The following CSMD3 variants were observed in gnomAD, a reference collection of about 807,000 sequenced individuals.
CSMD3 encodes CUB and sushi domain-containing protein 3.
In CSMD3, 177 loss-of-function variants were observed where a neutral mutation model predicts 435.2. The observed-to-expected ratio is 0.41, with a 90% CI of 0.36 to 0.46. The LOEUF (loss-of-function observed/expected upper bound fraction) is 0.46, where lower values mean the gene tolerates loss of function less well. Ranked by LOEUF, CSMD3 falls within the 20% of genes least tolerant of loss-of-function variation. The probability of loss-of-function intolerance (pLI) is 0.34; values close to 1 mark genes in which losing one functional copy is unlikely to be tolerated. For synonymous variants in CSMD3, 1,656 were observed against 1,520.5 expected (o/e 1.09, Z -2.07); for missense variants, 4,265 against 4,504.6 (o/e 0.95, Z 1.52).
intron 13 of CSMD3, among the ~76,000 whole-genome samples, chr8:112,764,964 A>C (rs1313803793): frequency 6.6e-6 from 1 of 151,560 alleles, no homozygotes; most frequent in Non-Finnish European, 1.5e-5. Flanking sequence ...GGGAGATATA[A>C]AGTAGCATGG....
chr8:112,486,827 T>A (rs1323378258), intron 31 of CSMD3, among the ~76,000 whole-genome samples: 2 of 152,148 alleles, frequency 1.3e-5, no homozygotes, highest in African/African-American at 4.8e-5. Context: ...CTGTATCTCA[T>A]CAGATTATAA....
chr8:112,491,907 A>G (rs968733822), intron 31 of CSMD3, among the ~76,000 whole-genome samples: 10 of 152,094 alleles, frequency 6.6e-5, no homozygotes, highest in African/African-American at 2.4e-4. Context: ...AGTCTCTAGT[A>G]ACCCTAAGCA....
At chr8:112,478,134 A>C (rs1300153438) in intron 31 of CSMD3, among the ~76,000 whole-genome samples, 1 of 152,184 alleles carries the variant, frequency 6.6e-6, no homozygotes, top group Non-Finnish European at 1.5e-5. Flanking sequence ...AGGCCTACCC[A>C]GCCATGTGGA....
intron 5 of CSMD3, among the ~76,000 whole-genome samples, chr8:113,082,767 A>G (rs1489943448): frequency 6.6e-6 from 1 of 152,166 alleles, no homozygotes; most frequent in Admixed American, 6.5e-5. Context: ...TAAAGGAACA[A>G]AACAGATATC....
At chr8:113,367,094 T>C (rs2133030400) in intron 1 of CSMD3, among the ~76,000 whole-genome samples, 1 of 151,966 alleles carries the variant, frequency 6.6e-6, no homozygotes, top group South Asian at 2.1e-4. Context: ...ACAATATACT[T>C]CCGGGGAATA....
At chr8:113,436,584 G>T (rs2094707828) in intron 1 of CSMD3, 93 bp downstream of exon 1, 2 of 1,090,550 alleles carry the variant, frequency 1.8e-6, no homozygotes, top group Non-Finnish European at 2.8e-6. Flanking sequence ...TTATTTTATC[G>T]GTGCAAATTG....
At chr8:112,661,479 G>A (rs2075378295) in intron 17 of CSMD3, among the ~76,000 whole-genome samples, 2 of 152,106 alleles carry the variant, frequency 1.3e-5, no homozygotes, top group South Asian at 4.1e-4. Flanking sequence ...GAGTACGGAT[G>A]CCCTCTGAAT....
At chr8:112,408,847 C>T in intron 33 of CSMD3, 72 bp downstream of exon 33, 1 of 1,609,428 alleles carries the variant, frequency 6.2e-7, no homozygotes, top group Non-Finnish European at 8.5e-7. Flanking sequence ...TAAATCTCAA[C>T]TTTCACTACA....
At chr8:112,590,817 AC>A (rs1465862939) in intron 22 of CSMD3, among the ~76,000 whole-genome samples, 3 of 152,078 alleles carry the variant, frequency 2.0e-5, no homozygotes, top group African/African-American at 7.2e-5. Flanking sequence ...ACTTCTTCCT[AC>A]CTTAACATAA....
intron 45 of CSMD3, among the ~76,000 whole-genome samples, chr8:112,330,845 C>T (rs2130922877): frequency 6.6e-6 from 1 of 152,122 alleles, no homozygotes; most frequent in East Asian, 1.9e-4. Flanking sequence ...CATTGTCTGG[C>T]ACTTAATAAG....
intron 24 of CSMD3, among the ~76,000 whole-genome samples, chr8:112,569,224 T>C (rs933747143): frequency 2.6e-5 from 4 of 152,198 alleles, no homozygotes; most frequent in African/African-American, 7.2e-5. Flanking sequence ...CTTGTGACCA[T>C]GTCACCACAA....
At chr8:112,613,183 T>C (rs985942459) in intron 22 of CSMD3, among the ~76,000 whole-genome samples, 1 of 152,138 alleles carries the variant, frequency 6.6e-6, no homozygotes, top group East Asian at 1.9e-4. Flanking sequence ...CCTAAAGGTG[T>C]CTTAATTTTA....
chr8:112,598,141 C>T (rs576923277), intron 22 of CSMD3, among the ~76,000 whole-genome samples: 23 of 144,108 alleles, frequency 1.6e-4, no homozygotes, highest in Admixed American at 1.4e-3. Context: ...CCCAAAATCT[C>T]CTTAAGCTGA....
intron 47 of CSMD3, among the ~76,000 whole-genome samples, chr8:112,317,545 C>T (rs1822588525): frequency 1.3e-5 from 2 of 151,962 alleles, no homozygotes; most frequent in African/African-American, 4.8e-5. Flanking sequence ...CGACATAATC[C>T]TAAAGGTCTA....
chr8:113,419,507 A>G (rs1041914622), intron 1 of CSMD3, among the ~76,000 whole-genome samples: 2 of 152,120 alleles, frequency 1.3e-5, no homozygotes, highest in African/African-American at 2.4e-5. Context: ...AGTCTGCATA[A>G]AAAGCTCTGC....
chr8:113,220,355 G>A (rs1026518984), intron 3 of CSMD3, among the ~76,000 whole-genome samples: 11 of 151,340 alleles, frequency 7.3e-5, no homozygotes, highest in African/African-American at 2.7e-4. Context: ...GGAATGTCTT[G>A]TTATGCTAGG....
At chr8:113,059,344 T>C (rs965766928) in intron 5 of CSMD3, among the ~76,000 whole-genome samples, 1 of 152,170 alleles carries the variant, frequency 6.6e-6, no homozygotes, top group Non-Finnish European at 1.5e-5. Context: ...TCTGGTACCC[T>C]TGGCCTTCAT....
At chr8:113,241,419 C>T (rs1174740906) in intron 3 of CSMD3, among the ~76,000 whole-genome samples, 1 of 151,864 alleles carries the variant, frequency 6.6e-6, no homozygotes, top group Non-Finnish European at 1.5e-5. Flanking sequence ...ATAACAATAG[C>T]TATGCCTACG....
intron 1 of CSMD3, among the ~76,000 whole-genome samples, chr8:113,329,345 T>C (rs2094009833): frequency 1.3e-5 from 2 of 151,722 alleles, no homozygotes; most frequent in South Asian, 4.2e-4. Flanking sequence ...AGTTAAACAA[T>C]TGAAAAAAGA....
Sources: allele counts gnomAD v4.1 joint callset (sites outside exome capture counted in the v4.1 genomes callset), GRCh38; gene constraint gnomAD v4.1.1; transcripts MANE v1.5; gene names NCBI Gene and HGNC (gene_info 2026-07-23, HGNC 2026-07-21).